TEC: variants seen among roughly 807,000 people sequenced by gnomAD.
TEC encodes the protein tyrosine-protein kinase Tec.
In TEC, 72 loss-of-function variants were observed where a neutral mutation model predicts 93.0. That is an observed-to-expected ratio of 0.77 (90% CI 0.64 to 0.94). TEC has a LOEUF of 0.94. TEC is among the 40% of genes least tolerant of loss of function. The pLI, the probability that TEC is intolerant of heterozygous loss-of-function variation, is 0.00. For synonymous variants in TEC, 249 were observed against 247.7 expected, an observed-to-expected ratio of 1.01 and a Z score of -0.05; for missense variants, 630 against 757.9, an observed-to-expected ratio of 0.83 and a Z score of 1.98.
At chr4:48,247,633 C>A (rs1724096177) in intron 1 of TEC, among the ~76,000 whole-genome samples, 2 of 152,032 alleles carry the variant, frequency 1.3e-5, no homozygotes, top group Non-Finnish European at 2.9e-5. Flanking sequence ...TAAAAGAAGC[C>A]AGATAGAAAC....
chr4:48,221,930 G>A (rs1479184873), intron 2 of TEC, among the ~76,000 whole-genome samples: 1 of 152,140 alleles, frequency 6.6e-6, no homozygotes, highest in Non-Finnish European at 1.5e-5. Flanking sequence ...TATCACAGGA[G>A]CTTAAAATCC....
intron 2 of TEC, among the ~76,000 whole-genome samples, chr4:48,198,382 C>T (rs1463181585): frequency 6.6e-6 from 1 of 152,198 alleles, no homozygotes; most frequent in Non-Finnish European, 1.5e-5. Context: ...ATCCTCCAGG[C>T]TAAAGAAGTA....
At chr4:48,145,926 T>G in intron 12 of TEC, among the ~76,000 whole-genome samples, 1 of 152,216 alleles carries the variant, frequency 6.6e-6, no homozygotes, top group Non-Finnish European at 1.5e-5. Flanking sequence ...CTTTTTCAAT[T>G]CCATCAAGTT....
chr4:48,160,737 AAAAG>A (rs200782202), intron 8 of TEC, among the ~76,000 whole-genome samples: 2,614 of 131,388 alleles, frequency 0.02, 27 homozygotes, highest in Middle Eastern at 0.04. Context: ...CAGAAAAAAA[AAAAG>A]AAAGAAAGAA....
chr4:48,164,381 C>T (rs996673914), intron 7 of TEC, among the ~76,000 whole-genome samples: 11 of 151,992 alleles, frequency 7.2e-5, no homozygotes, highest in South Asian at 4.2e-4. Context: ...AAAAAATGTC[C>T]GATTTTACCC....
chr4:48,227,856 G>A (rs1723524335), intron 2 of TEC, among the ~76,000 whole-genome samples: 1 of 152,066 alleles, frequency 6.6e-6, no homozygotes, highest in Non-Finnish European at 1.5e-5. Flanking sequence ...GCACATTCAA[G>A]GCCTCATCTA....
chr4:48,199,478 T>TTTTTTTTTTTTTTC (rs1722420265), intron 2 of TEC, among the ~76,000 whole-genome samples: 1 of 140,548 alleles, frequency 7.1e-6, no homozygotes, highest in Non-Finnish European at 1.5e-5. Context: ...TTTTTTTTTT[T>TTTTTTTTTTTTTTC]TTTTTTGAGA....
At chr4:48,257,698 T>G (rs1254987249) in intron 1 of TEC, among the ~76,000 whole-genome samples, 1 of 152,254 alleles carries the variant, frequency 6.6e-6, no homozygotes, top group East Asian at 1.9e-4. Flanking sequence ...ATATTTGGGA[T>G]GTTTATTACT....
intron 6 of TEC, among the ~76,000 whole-genome samples, chr4:48,168,233 C>T (rs1462517786): frequency 6.6e-6 from 1 of 152,214 alleles, no homozygotes; most frequent in Admixed American, 6.5e-5. Flanking sequence ...TCCTGAAAGG[C>T]ATATCATTAT....
At chr4:48,204,441 G>C (rs1029005331) in intron 2 of TEC, among the ~76,000 whole-genome samples, 12 of 152,194 alleles carry the variant, frequency 7.9e-5, no homozygotes, top group African/African-American at 2.9e-4. Context: ...GTAAGCTCTG[G>C]AAGCTTGCAC....
At chr4:48,168,734 C>CT in intron 5 of TEC, 108 bp from the exon 6 acceptor site, 2 of 1,176,878 alleles carry the variant, frequency 1.7e-6, no homozygotes, top group Non-Finnish European at 2.5e-6. Context: ...CATAGACAAG[C>CT]AGCACACTCT....
chr4:48,202,648 A>T (rs1722571234), intron 2 of TEC, among the ~76,000 whole-genome samples: 1 of 152,210 alleles, frequency 6.6e-6, no homozygotes, highest in Non-Finnish European at 1.5e-5. Flanking sequence ...TTTTGCTTTA[A>T]ATTTATTTAG....
chr4:48,166,010 C>T (rs1720859880), intron 7 of TEC, among the ~76,000 whole-genome samples: 1 of 152,172 alleles, frequency 6.6e-6, no homozygotes, highest in Non-Finnish European at 1.5e-5. Context: ...ACTAGGACCC[C>T]AGAACACCCT....
chr4:48,197,879 G>C (rs1189545952), intron 2 of TEC, among the ~76,000 whole-genome samples: 1 of 152,188 alleles, frequency 6.6e-6, no homozygotes, highest in African/African-American at 2.4e-5. Flanking sequence ...CTATCTAGCA[G>C]ACAGGGTTCC....
At chr4:48,247,134 A>T (rs937839207) in intron 1 of TEC, among the ~76,000 whole-genome samples, 2 of 152,216 alleles carry the variant, frequency 1.3e-5, no homozygotes, top group African/African-American at 4.8e-5. Flanking sequence ...GCAAACATAT[A>T]AAAAAATTTC....
Position 48,268,446 on chromosome 4 carries a change from GTA to G in TEC, c.-46+1304_-46+1305del, listed in dbSNP as rs571345325. ...TAATATATGGATCAGATTAACTGGA[GTA>G]TGGGGAAAGTGTAAGTCTTCCGTAA... On this transcript the variant is annotated intron_variant, in intron 1 of 17. Coordinates refer to ENST00000381501, the MANE Select transcript of TEC (RefSeq NM_003215.3). Among the ~76,000 whole-genome samples, 27 of 152,374 alleles carry G rather than the reference GTA, an allele frequency of 1.8e-4. No individual in the cohort carries two copies. The South Asian group carries it at 5.4e-3, about 30-fold the overall frequency.
At chr4:48,163,042 G>A (rs1173045081) in intron 8 of TEC, among the ~76,000 whole-genome samples, 1 of 151,748 alleles carries the variant, frequency 6.6e-6, no homozygotes, top group African/African-American at 2.4e-5. Context: ...ATATAGCAAA[G>A]GTACCTAAAA....
intron 8 of TEC, among the ~76,000 whole-genome samples, chr4:48,158,875 G>A (rs567103717): frequency 6.6e-6 from 1 of 152,268 alleles, no homozygotes; most frequent in Non-Finnish European, 1.5e-5. Context: ...TATGGTGTTG[G>A]CAAGTTCCCT....
intron 1 of TEC, among the ~76,000 whole-genome samples, chr4:48,237,333 G>A (rs2457410): frequency 0.44 from 65,184 of 148,574 alleles, 16,079 homozygotes; most frequent in African/African-American, 0.67. Flanking sequence ...AAAAAAAAAA[G>A]AGAGAGAGAG....
Sources: allele counts gnomAD v4.1 joint callset (sites outside exome capture counted in the v4.1 genomes callset), GRCh38; gene constraint gnomAD v4.1.1; transcripts MANE v1.5; gene names NCBI Gene and HGNC (gene_info 2026-07-23, HGNC 2026-07-21).